Variants in CTNNA2 observed in about 807,000 individuals in gnomAD.
CTNNA2 encodes catenin alpha-2.
CTNNA2 carries 42 observed loss-of-function variants against 101.0 expected under a neutral mutation model. The ratio of observed to expected loss-of-function variants is 0.42; its 90% CI spans 0.32 to 0.54. The LOEUF is 0.54. CTNNA2 is among the 20% of genes least tolerant of loss of function. The probability of loss-of-function intolerance (pLI) is 0.14; values close to 1 mark genes in which losing one functional copy is unlikely to be tolerated. For synonymous variants in CTNNA2, 450 were observed against 456.4 expected, an observed-to-expected ratio of 0.99 and a Z score of 0.18; for missense variants, 871 against 1,223.1, an observed-to-expected ratio of 0.71 and a Z score of 4.29.
At chr2:80,576,073 C>T (rs757188499) in intron 13 of CTNNA2, among the ~76,000 whole-genome samples, 1 of 152,092 alleles carries the variant, frequency 6.6e-6, no homozygotes, top group Non-Finnish European at 1.5e-5. Context: ...AACAATAAGA[C>T]AAGTAGAATT....
In CTNNA2 at chr2:79,461,906, G is replaced by C. The variant is rs76651101; in HGVS notation, c.-134-43148G>C. ...TCTAGCTTAAGAACTAACAATACTA[G>C]ATAGAGCAAAGTCAGTAGCCAATGT... On this transcript the variant is annotated intron_variant, in intron 4 of 21. Coordinates refer to the CTNNA2 transcript ENST00000466387. Among the ~76,000 whole-genome samples the C allele has an allele frequency of 2.6e-4, 40 of 151,926 alleles. No homozygotes were observed. In the South Asian group the frequency reaches 7.1e-3, roughly 27 times the overall value.
At chr2:80,234,439 T>G (rs1709434514) in intron 7 of CTNNA2, among the ~76,000 whole-genome samples, 2 of 152,240 alleles carry the variant, frequency 1.3e-5, no homozygotes, top group Admixed American at 1.3e-4. Context: ...GGAAAAGTGC[T>G]TTAGTTAATA....
intron 4 of CTNNA2, among the ~76,000 whole-genome samples, chr2:79,456,431 A>C (rs1255060685): frequency 6.6e-6 from 1 of 152,100 alleles, no homozygotes; most frequent in African/African-American, 2.4e-5. Flanking sequence ...TCAATGCACA[A>C]ATATTAAATA....
intron 7 of CTNNA2, among the ~76,000 whole-genome samples, chr2:79,982,232 A>ATATATATATG (rs1193214645): frequency 3.1e-5 from 3 of 97,598 alleles, no homozygotes; most frequent in African/African-American, 1.4e-4. Flanking sequence ...ATATATATAT[A>ATATATATATG]TATATATATG....
chr2:80,589,250 C>G, intron 14 of CTNNA2, 54 bp from the exon 15 acceptor site: 1 of 1,567,190 alleles, frequency 6.4e-7, no homozygotes, highest in Non-Finnish European at 8.7e-7. Flanking sequence ...AGTCAACATA[C>G]GGTCTGTACT....
intron 3 of CTNNA2, among the ~76,000 whole-genome samples, chr2:79,857,522 T>G (rs980759496): frequency 1.3e-5 from 2 of 152,224 alleles, no homozygotes; most frequent in Non-Finnish European, 2.9e-5. Context: ...AGATTGGATC[T>G]TGGGTGCCTC....
At chr2:80,002,085 T>C (rs1314245119) in intron 7 of CTNNA2, among the ~76,000 whole-genome samples, 1 of 152,154 alleles carries the variant, frequency 6.6e-6, no homozygotes, top group Non-Finnish European at 1.5e-5. Context: ...CTAAAATATT[T>C]CCAAAAGGTT....
chr2:79,641,835 A>G (rs940114818), intron 1 of CTNNA2, among the ~76,000 whole-genome samples: 2 of 152,238 alleles, frequency 1.3e-5, no homozygotes, highest in African/African-American at 4.8e-5. Context: ...GCTTTCTATT[A>G]GCATACTCCA....
chr2:80,380,158 T>C (rs1218359863), intron 7 of CTNNA2, among the ~76,000 whole-genome samples: 1 of 147,828 alleles, frequency 6.8e-6, no homozygotes, highest in Non-Finnish European at 1.5e-5. Flanking sequence ...TGCCTCAGCC[T>C]CCTGAGTAGC....
intron 7 of CTNNA2, among the ~76,000 whole-genome samples, chr2:79,978,870 T>G (rs532960787): frequency 6.6e-6 from 1 of 152,320 alleles, no homozygotes; most frequent in Admixed American, 6.5e-5. Flanking sequence ...GTGTATTATC[T>G]CATTTATACC....
At chr2:79,629,444 T>A (rs142295371) in intron 1 of CTNNA2, among the ~76,000 whole-genome samples, 9 of 152,314 alleles carry the variant, frequency 5.9e-5, no homozygotes, top group Admixed American at 2.6e-4. Context: ...TTAATTATTT[T>A]AAAAATTCTG....
At chr2:79,979,105 G>T (rs1691073139) in intron 7 of CTNNA2, among the ~76,000 whole-genome samples, 1 of 152,122 alleles carries the variant, frequency 6.6e-6, no homozygotes, top group African/African-American at 2.4e-5. Context: ...TTTCTGATAG[G>T]CCGGACACAG....
At chr2:79,689,571 C>CTAAA (rs1558840915) in intron 2 of CTNNA2, among the ~76,000 whole-genome samples, 1 of 151,506 alleles carries the variant, frequency 6.6e-6, no homozygotes, top group Non-Finnish European at 1.5e-5. Flanking sequence ...CAGTGTATGA[C>CTAAA]ATTAAATAAA....
chr2:80,032,532 C>T (rs773594195), intron 7 of CTNNA2, among the ~76,000 whole-genome samples: 3 of 152,126 alleles, frequency 2.0e-5, no homozygotes, highest in Non-Finnish European at 2.9e-5. Context: ...TAAACACACA[C>T]ACACACTCAA....
At chr2:79,858,232 C>T (rs1161307668) in intron 4 of CTNNA2, 53 bp downstream of exon 4, 20 of 1,425,602 alleles carry the variant, frequency 1.4e-5, no homozygotes, top group Admixed American at 3.4e-5. Context: ...CAATCTTGAC[C>T]GTGTGTATTA....
At chr2:79,603,693 T>C (rs1677697769) in intron 1 of CTNNA2, among the ~76,000 whole-genome samples, 1 of 152,220 alleles carries the variant, frequency 6.6e-6, no homozygotes, top group South Asian at 2.1e-4. Flanking sequence ...ATAGTGTAAG[T>C]ACATTTTAAG....
At chr2:79,331,306 G>C (rs907702632) in intron 3 of CTNNA2, among the ~76,000 whole-genome samples, 2 of 152,092 alleles carry the variant, frequency 1.3e-5, no homozygotes, top group Admixed American at 1.3e-4. Flanking sequence ...CCTCCATTAT[G>C]GTGTCTATGG....
chr2:79,328,656 G>T (rs1174376680), intron 3 of CTNNA2, among the ~76,000 whole-genome samples: 1 of 152,182 alleles, frequency 6.6e-6, no homozygotes, highest in East Asian at 1.9e-4. Flanking sequence ...GTAGAGTGTG[G>T]TTTGAGTACA....
chr2:80,457,978 G>A (rs1444432770), intron 9 of CTNNA2, among the ~76,000 whole-genome samples: 1 of 152,130 alleles, frequency 6.6e-6, no homozygotes, highest in African/African-American at 2.4e-5. Flanking sequence ...CTATCCTCTA[G>A]TGCCTTCCTT....
Sources: allele counts gnomAD v4.1 joint callset (sites outside exome capture counted in the v4.1 genomes callset), GRCh38; gene constraint gnomAD v4.1.1; transcripts MANE v1.5; gene names NCBI Gene and HGNC (gene_info 2026-07-23, HGNC 2026-07-21).